Variants in ANKMY2 observed in about 807,000 individuals in gnomAD.
The protein encoded by ANKMY2 is ankyrin repeat and MYND domain-containing protein 2.
A neutral mutation model predicts 50.4 loss-of-function variants in ANKMY2; 36 were observed. The ratio of observed to expected loss-of-function variants is 0.71; its 90% CI spans 0.55 to 0.94. The LOEUF (loss-of-function observed/expected upper bound fraction) is 0.94, where lower values mean the gene tolerates loss of function less well. Among genes scored for constraint, ANKMY2 ranks in the 40% least tolerant of loss-of-function variants. The pLI, the probability that ANKMY2 is intolerant of heterozygous loss-of-function variation, is 0.00. For synonymous variants in ANKMY2, 187 were observed against 178.8 expected (o/e 1.05, Z -0.36); for missense variants, 565 against 524.0 (o/e 1.08, Z -0.76).
chr7:16,609,025 A>G (rs1781204129), intron 7 of ANKMY2, among the ~76,000 whole-genome samples: 1 of 152,212 alleles, frequency 6.6e-6, no homozygotes, highest in Admixed American at 6.5e-5. Context: ...CAAATAAATT[A>G]AAATATATGA....
At position 16,645,592 on chromosome 7, in the gene ANKMY2, G is replaced by T. The variant is rs947159609; in HGVS notation, c.-19C>A. ...GAACCATTGCTCCCGCCAGCTTGAA[G>T]GTTATTCCCTTTCTTAGGGAGTATT... On this transcript the variant is annotated 5_prime_UTR_variant, in exon 1 of 10. Transcript: ENST00000306999. The T allele has an allele frequency of 1.2e-5, 19 of 1,608,276 alleles. No homozygotes were observed. Among genetic ancestry groups the T allele is most frequent in the Admixed American group, 3.4e-5 (2 of 58,790 alleles).
chr7:16,627,003 T>C (rs1781515186), intron 3 of ANKMY2, 37 bp downstream of exon 3: 1 of 1,523,784 alleles, frequency 6.6e-7, no homozygotes, highest in Non-Finnish European at 8.8e-7. Context: ...AACAAGTTTG[T>C]ATAGGTAACT....
chr7:16,601,320 T>C (rs1351386112), intron 9 of ANKMY2, among the ~76,000 whole-genome samples: 1 of 152,238 alleles, frequency 6.6e-6, no homozygotes, highest in East Asian at 1.9e-4. Flanking sequence ...GTCTATAATA[T>C]GCAGGTAATA....
rs1781038311 is a variant in ANKMY2 at position 16,600,680 on chromosome 7, A to C, written c.*81T>G. On this transcript the variant is annotated 3_prime_UTR_variant, in exon 10 of 10. Coordinates refer to ENST00000306999, the MANE Select transcript of ANKMY2 (RefSeq NM_020319.3). ...TGCCATGGTGCCACGCAGGTATAAC[A>C]AGGTGAGGACAATGCATTCCTAGGA... 3 of 1,279,218 alleles carry C rather than the reference A, an allele frequency of 2.3e-6. No homozygotes were observed. The African/African-American group carries it at 4.5e-5, about 19-fold the overall frequency. 79.2% of individuals were successfully genotyped at this position (1,279,218 alleles called of 1,614,324 possible).
chr7:16,605,385 GT>G (rs1207779589), intron 7 of ANKMY2, among the ~76,000 whole-genome samples: 7 of 152,118 alleles, frequency 4.6e-5, no homozygotes, highest in Non-Finnish European at 7.3e-5. Flanking sequence ...TTCCAAATTT[GT>G]TAAGAAACAC....
At chr7:16,644,687 G>T (rs1456206750) in intron 1 of ANKMY2, 1 of 471,152 alleles carries the variant, frequency 2.1e-6, no homozygotes, top group Non-Finnish European at 4.4e-6. Context: ...GATGTCACCT[G>T]CCAGGTAACG....
At chr7:16,645,082 C>A (rs1488411075) in intron 1 of ANKMY2, among the ~76,000 whole-genome samples, 1 of 152,242 alleles carries the variant, frequency 6.6e-6, no homozygotes, top group South Asian at 2.1e-4. Context: ...GGCAAAGGAT[C>A]CAGATCATTC....
At position 16,639,176 on chromosome 7, in the gene ANKMY2, T is replaced by C. The variant is rs548913127; in HGVS notation, c.68-2721A>G. On this transcript the variant is annotated intron_variant, in intron 1 of 9. Coordinates refer to ENST00000306999, the MANE Select transcript of ANKMY2 (RefSeq NM_020319.3). ...TAGAAGGTCCAGAATAGCATGGAAA[T>C]GTGAAACACATGGCTCACACAGAAG... Among the ~76,000 whole-genome samples, 30 of 152,372 alleles carry C rather than the reference T, an allele frequency of 2.0e-4. No individual in the cohort carries two copies. The South Asian group carries it at 6.2e-3, about 32-fold the overall frequency.
In ANKMY2 at chr7:16,609,691, A is replaced by C. The variant is rs1476941068; in HGVS notation, c.821T>G (p.Phe274Cys). 9.9e-6 allele frequency: 16 copies of C among 1,612,888 alleles called. No homozygotes were observed. The highest frequency in any genetic ancestry group is 1.7e-5 in the Admixed American group (1 of 59,748). Residue 274 changes from phenylalanine (F) to cysteine (C), a missense_variant, in exon 7 of 10, where the codon TTT becomes TGT. By Grantham distance (205) the Phe-to-Cys change is radical. Transcript: ENST00000306999. ...GAGGAGTGTAGCTTCACAGTAAGGA[A>C]ATTTTCTGATACTTTCTCTAATGAT... ...EKIIRESIRK[F>C]PYCEATLLQQ...
Position 16,600,336 on chromosome 7 carries a change from C to T in ANKMY2, c.*425G>A, listed in dbSNP as rs1781021838. ...ATGCTGCTTATATGTATTTTATTCA[C>T]ATATAAGTTATGATTTTTCTAACTA... On this transcript the variant is annotated 3_prime_UTR_variant, in exon 10 of 10. Coordinates refer to ENST00000306999, the MANE Select transcript of ANKMY2 (RefSeq NM_020319.3). The T allele has an allele frequency of 6.5e-6, 1 of 153,242 alleles. No homozygotes were observed. Among genetic ancestry groups the T allele is most frequent in the Non-Finnish European group, 1.5e-5 (1 of 68,574 alleles). 9.5% of individuals were successfully genotyped at this position (153,242 alleles called of 1,614,324 possible).
chr7:16,600,605 G>T lies in ANKMY2; in HGVS notation c.*156C>A. The T allele has an allele frequency of 2.0e-6, 1 of 492,570 alleles. No individual in the cohort carries two copies. 30.5% of individuals were successfully genotyped at this position (492,570 alleles called of 1,614,324 possible). Reference sequence around the variant, plus strand: ...AGAAATCAATAGGAAATTAGGGCATGGTCAACAGGGGTTTGCTTGAAAACC... The same window carrying T: ...AGAAATCAATAGGAAATTAGGGCATTGTCAACAGGGGTTTGCTTGAAAACC... On this transcript the variant is annotated 3_prime_UTR_variant, in exon 10 of 10. Transcript: ENST00000306999.
intron 6 of ANKMY2, 93 bp from the exon 7 acceptor site, chr7:16,609,858 C>G: frequency 1.4e-6 from 2 of 1,440,914 alleles, no homozygotes; most frequent in Non-Finnish European, 1.9e-6. Flanking sequence ...TCTTCTGTTA[C>G]TTATGATTTT....
chr7:16,628,584 T>C (rs1488062882), intron 2 of ANKMY2, among the ~76,000 whole-genome samples: 1 of 152,104 alleles, frequency 6.6e-6, no homozygotes, highest in Non-Finnish European at 1.5e-5. Flanking sequence ...GCATGGCCTT[T>C]AGCTTTTAAA....
At chr7:16,617,917 G>GTTTTTTTTTTTTTTTTTTT (rs780533044) in intron 4 of ANKMY2, among the ~76,000 whole-genome samples, 1 of 110,882 alleles carries the variant, frequency 9.0e-6, no homozygotes, top group Non-Finnish European at 1.8e-5. Flanking sequence ...CAGTGAGCGT[G>GTTTTTTTTTTTTTTTTTTT]TTTTTTTTTT....
At chr7:16,610,382 T>G (rs1419073641) in intron 6 of ANKMY2, among the ~76,000 whole-genome samples, 167 bp downstream of exon 6, 2 of 152,170 alleles carry the variant, frequency 1.3e-5, no homozygotes, top group Non-Finnish European at 2.9e-5. Context: ...GAATAATCAC[T>G]CAATATAAGT....
At chr7:16,602,958 G>A (rs775379838) in intron 8 of ANKMY2, among the ~76,000 whole-genome samples, 2 of 152,166 alleles carry the variant, frequency 1.3e-5, no homozygotes, top group Non-Finnish European at 2.9e-5. Context: ...CCCATGCCAT[G>A]CTTCCTGTAT....
chr7:16,604,733 T>G lies in ANKMY2; in HGVS notation c.999A>C (p.Ser333=), dbSNP rs766098958. Residue 333 remains serine (S), a synonymous_variant, in exon 8 of 10, where the codon TCA becomes TCC. Transcript: ENST00000306999. ...CGEKGASKRC[S]VCKMVIYCDQ... is the part of the protein sequence containing the mutation. ...ACTCCATTCTTACCATTTTGCAAACTGAACATCTTTTACTTGCTCCCTTTT... is the reference window on the plus strand; with the variant it reads ...ACTCCATTCTTACCATTTTGCAAACGGAACATCTTTTACTTGCTCCCTTTT... The G allele has an allele frequency of 1.2e-6, 2 of 1,613,856 alleles. No homozygotes were observed. The highest frequency in any genetic ancestry group is 8.5e-7 in the Non-Finnish European group (1 of 1,179,818).
At chr7:16,627,451 T>C (rs1045418243) in intron 2 of ANKMY2, among the ~76,000 whole-genome samples, 5 of 152,156 alleles carry the variant, frequency 3.3e-5, no homozygotes, top group Non-Finnish European at 7.4e-5. Context: ...GGGGCAGGGA[T>C]TGAAACCCAC....
At chr7:16,624,858 C>A in intron 4 of ANKMY2, 125 bp downstream of exon 4, 1 of 721,844 alleles carries the variant, frequency 1.4e-6, no homozygotes, top group Non-Finnish European at 2.3e-6. Context: ...TTACAGTGGA[C>A]TGTAAATACT....
Sources: allele counts gnomAD v4.1 joint callset (sites outside exome capture counted in the v4.1 genomes callset), GRCh38; gene constraint gnomAD v4.1.1; transcripts MANE v1.5; gene names NCBI Gene and HGNC (gene_info 2026-07-23, HGNC 2026-07-21).